FHL2: variants seen among roughly 807,000 people sequenced by gnomAD.
FHL2 encodes four and a half LIM domains 2.
FHL2 carries 20 observed loss-of-function variants against 32.7 expected under a neutral mutation model. The observed-to-expected ratio is 0.61, with a 90% CI of 0.43 to 0.89. The LOEUF (loss-of-function observed/expected upper bound fraction) is 0.89. FHL2 is among the 40% of genes least tolerant of loss of function. The pLI is 0.00. For synonymous variants in FHL2, 123 were observed against 128.1 expected (o/e 0.96, Z 0.27); for missense variants, 311 against 358.6 (o/e 0.87, Z 1.07).
chr2:105,377,060 C>A (rs74265222), intron 3 of FHL2, among the ~76,000 whole-genome samples: 2 of 152,130 alleles, frequency 1.3e-5, no homozygotes, highest in Admixed American at 1.3e-4. Flanking sequence ...CCCATTCATG[C>A]CTGAGGTTGC....
chr2:105,416,398 T>A (rs1271196661), intron 1 of FHL2, among the ~76,000 whole-genome samples: 1 of 152,226 alleles, frequency 6.6e-6, no homozygotes, highest in East Asian at 1.9e-4. Context: ...ATGAAGGAAA[T>A]GCAACCTTAT....
At chr2:105,389,243 A>C (rs1682547183) in intron 2 of FHL2, among the ~76,000 whole-genome samples, 1 of 152,208 alleles carries the variant, frequency 6.6e-6, no homozygotes, top group African/African-American at 2.4e-5. Context: ...TGAGCACTTG[A>C]ATTATTATTC....
chr2:105,384,830 T>A (rs1380620270), intron 3 of FHL2, among the ~76,000 whole-genome samples: 1 of 152,190 alleles, frequency 6.6e-6, no homozygotes, highest in Admixed American at 6.5e-5. Context: ...ATTTTATAGA[T>A]GTGGAGATGT....
chr2:105,365,899 A>T (rs1454828388), intron 5 of FHL2, among the ~76,000 whole-genome samples: 1 of 152,072 alleles, frequency 6.6e-6, no homozygotes, highest in Non-Finnish European at 1.5e-5. Context: ...AATAAAATTT[A>T]AAATAACAGT....
Position 105,377,171 on chromosome 2 carries a change from G to A in FHL2, c.157-3438C>T, listed in dbSNP as rs1057250335. 4.6e-5 allele frequency among the ~76,000 whole-genome samples: 7 copies of A among 152,268 alleles called. 1 individual carries two copies. In the South Asian group the frequency reaches 6.2e-4, roughly 14 times the overall value. On this transcript the variant is annotated intron_variant, in intron 3 of 6. Transcript: ENST00000530340. ...GCATTCCACTAATGGAATACTAGGC[G>A]TAAATGGGCTTGATGGGGGTAGTAT...
intron 1 of FHL2, among the ~76,000 whole-genome samples, chr2:105,425,239 G>A (rs1684223777): frequency 6.6e-6 from 1 of 152,142 alleles, no homozygotes; most frequent in South Asian, 2.1e-4. Flanking sequence ...AGGTTTTAAG[G>A]GACCTAGGGC....
chr2:105,361,200 CA>C lies in FHL2; in HGVS notation c.*82del, dbSNP rs1338143273. 1 of 1,431,736 alleles carries C rather than the reference CA, an allele frequency of 7.0e-7. No homozygotes were observed. The highest frequency in any genetic ancestry group is 9.6e-7 in the Non-Finnish European group (1 of 1,043,088). The allele number at this position is 1,431,736 out of a possible 1,614,324, so 88.7% of individuals were successfully genotyped here. ...AAGTCTCAATGTGGCTGGAAGAAAC[CA>C]GAAGGCAAGATTGCCTGGGTGAGAA... is the stretch of plus-strand genomic sequence containing the variant. On this transcript the variant is annotated 3_prime_UTR_variant, in exon 7 of 7. Coordinates refer to ENST00000530340, the MANE Select transcript of FHL2 (RefSeq NM_001318895.3).
rs533500256 is a variant in FHL2 at position 105,421,188 on chromosome 2, T to C, written c.-25+17211A>G. 3.3e-5 allele frequency among the ~76,000 whole-genome samples: 5 copies of C among 152,338 alleles called. No homozygotes were observed. The South Asian group carries it at 1.0e-3, about 32-fold the overall frequency. ...AAGTGAACTGTCCCTGGTCCCATCG[T>C]CACTGGGTTCTCTCTGGCTTGTAAG... On this transcript the variant is annotated intron_variant, in intron 1 of 5. Coordinates refer to the FHL2 transcript ENST00000393352.
intron 4 of FHL2, among the ~76,000 whole-genome samples, chr2:105,371,854 C>T (rs1344151522): frequency 2.0e-5 from 3 of 152,176 alleles, no homozygotes; most frequent in African/African-American, 7.2e-5. Context: ...TGTGTCTCTG[C>T]AGTGACTCCC....
chr2:105,388,679 A>C (rs1211353172), intron 2 of FHL2, among the ~76,000 whole-genome samples: 1 of 151,854 alleles, frequency 6.6e-6, no homozygotes, highest in Admixed American at 6.6e-5. Context: ...AAAAAAAAAA[A>C]AAAAATTAGC....
At chr2:105,397,880 T>TG (rs911383696) in intron 1 of FHL2, among the ~76,000 whole-genome samples, 2 of 50,548 alleles carry the variant, frequency 4.0e-5, no homozygotes, top group Non-Finnish European at 9.2e-5. Flanking sequence ...TTTGTTTTTT[T>TG]GTTTTTTGTT....
At chr2:105,414,230 C>T (rs1683869406) in intron 1 of FHL2, among the ~76,000 whole-genome samples, 1 of 152,164 alleles carries the variant, frequency 6.6e-6, no homozygotes, top group Non-Finnish European at 1.5e-5. Flanking sequence ...GGGTCACCAC[C>T]CTCCAGGAAC....
intron 1 of FHL2, among the ~76,000 whole-genome samples, chr2:105,427,498 G>C (rs1684302062): frequency 6.6e-6 from 1 of 152,254 alleles, no homozygotes; most frequent in South Asian, 2.1e-4. Flanking sequence ...TTAGAACAAT[G>C]TCACAAAAGA....
At chr2:105,359,482 C>T (rs1444016903), downstream of FHL2, 1 of 152,196 alleles carries the variant, frequency 6.6e-6, no homozygotes, top group Non-Finnish European at 1.5e-5. Context: ...ATATATCAGA[C>T]TTGATTTCCA....
chr2:105,367,838 A>C (rs1573289746), intron 4 of FHL2, 99 bp from the exon 5 acceptor site: 3 of 1,278,290 alleles, frequency 2.3e-6, no homozygotes, highest in Non-Finnish European at 2.2e-6. Flanking sequence ...TAGTTTTATG[A>C]CCAGAGCAAG....
At chr2:105,426,837 G>A (rs191858110) in intron 1 of FHL2, among the ~76,000 whole-genome samples, 5 of 152,320 alleles carry the variant, frequency 3.3e-5, no homozygotes, top group East Asian at 3.9e-4. Flanking sequence ...AGAATTAGCC[G>A]GGTTGCTTTG....
chr2:105,396,760 G>A (rs957177824), intron 1 of FHL2, 63 bp from the exon 2 acceptor site: 23 of 1,400,078 alleles, frequency 1.6e-5, no homozygotes, highest in African/African-American at 8.5e-5. Flanking sequence ...TCAGTATAAT[G>A]CAACTTGAGA....
intron 1 of FHL2, among the ~76,000 whole-genome samples, chr2:105,406,424 G>T (rs1201473884): frequency 6.6e-6 from 1 of 151,092 alleles, no homozygotes; most frequent in Non-Finnish European, 1.5e-5. Context: ...TATTCATGTA[G>T]CCATCTTTAA....
intron 3 of FHL2, among the ~76,000 whole-genome samples, chr2:105,383,842 G>A (rs960456159): frequency 1.3e-5 from 2 of 152,202 alleles, no homozygotes; most frequent in Non-Finnish European, 2.9e-5. Context: ...CAAATGCCAA[G>A]GTCTCGCTTC....
Sources: gnomAD v4.1 joint callset for allele counts (sites outside exome capture counted in the v4.1 genomes callset) on GRCh38, gnomAD v4.1.1 for gene constraint, MANE v1.5 for transcripts, NCBI Gene and HGNC (gene_info 2026-07-23, HGNC 2026-07-21) for gene names.